Variants in GCA observed in about 807,000 individuals in gnomAD.
GCA encodes grancalcin.
In GCA, 30 loss-of-function variants were observed where a neutral mutation model predicts 32.6. That is an observed-to-expected ratio of 0.92 (90% CI 0.69 to 1.25). The LOEUF is 1.25. Ranked by LOEUF, GCA falls within the 50% of genes most tolerant of loss-of-function variation. The pLI is 0.00. For synonymous variants in GCA, 102 were observed against 84.6 expected (o/e 1.21, Z -1.13); for missense variants, 291 against 266.8 (o/e 1.09, Z -0.63).
At chr2:162,363,222 T>C (rs1172641674), downstream of GCA, among the ~76,000 whole-genome samples, 3 of 151,454 alleles carry the variant, frequency 2.0e-5, no homozygotes, top group Admixed American at 1.3e-4. Context: ...AATTTGTTAA[T>C]ATCTGGTGAA....
downstream of GCA, among the ~76,000 whole-genome samples, chr2:162,367,443 G>A (rs1685788116): frequency 6.6e-6 from 1 of 151,960 alleles, no homozygotes; most frequent in African/African-American, 2.4e-5. Flanking sequence ...GACTTCCACA[G>A]TGAGCCAGCC....
chr2:162,361,033 A>G lies in GCA; in HGVS notation c.*790A>G, dbSNP rs1685548156. 1 of 999,496 alleles carries G rather than the reference A, an allele frequency of 1.0e-6. No homozygotes were observed. Among genetic ancestry groups the G allele is most frequent in the Non-Finnish European group, 1.2e-6 (1 of 823,804 alleles). 61.9% of individuals were successfully genotyped at this position (999,496 alleles called of 1,614,324 possible). ...GGCATATGTTTTTGATGATATGTCA[A>G]CATTCAAAATTGTCCTAATTAAATT... On this transcript the variant is annotated 3_prime_UTR_variant, in exon 8 of 8. Transcript: ENST00000437150.
chr2:162,343,531 T>G (rs964951413), upstream of GCA, among the ~76,000 whole-genome samples: 2 of 152,210 alleles, frequency 1.3e-5, no homozygotes, highest in African/African-American at 4.8e-5. Context: ...ATCCTGTTTA[T>G]TTGCCAACAT....
downstream of GCA, among the ~76,000 whole-genome samples, chr2:162,374,581 A>C (rs1686093508): frequency 6.6e-6 from 1 of 152,174 alleles, no homozygotes; most frequent in Non-Finnish European, 1.5e-5. Flanking sequence ...TGGAAATAAA[A>C]CAAAAAAAGG....
Position 162,359,159 on chromosome 2 carries a change from T to C in GCA, c.568+2T>C, listed in dbSNP as rs754042566. On this transcript the variant is annotated splice_donor_variant, in intron 6 of 7. Transcript: ENST00000437150. LOFTEE classifies it high-confidence loss of function. ...GTGTGAAGCTTCGAGCATTGACAGG[T>C]ATTGACTATTTAAAACTAAGTGCAC... 4 of 1,537,278 alleles carry C rather than the reference T, an allele frequency of 2.6e-6. No individual in the cohort carries two copies. In the East Asian group the frequency reaches 9.0e-5, roughly 35 times the overall value.
At position 162,368,416 on chromosome 2, in the gene GCA, TA is replaced by T. The variant is rs1359247502; in HGVS notation, c.366-2889del. ...TTCATTTCTAATAACATCTACAGAA[TA>T]TTTTTTTAAATCATGAAAGTCATTT... On this transcript the variant is annotated intron_variant, in intron 4 of 4. Transcript: ENST00000414723. 1.1e-4 allele frequency among the ~76,000 whole-genome samples: 17 copies of T among 152,142 alleles called. 2 individuals carry two copies. The highest frequency in any genetic ancestry group is 1.1e-3 in the Admixed American group (17 of 15,238).
intron 6 of GCA, 151 bp from the exon 7 acceptor site, chr2:162,359,343 G>C: frequency 1.7e-6 from 1 of 586,804 alleles, no homozygotes; most frequent in African/African-American, 1.9e-5. Flanking sequence ...GTTATTTTTG[G>C]AAGTTTTTCT....
chr2:162,372,173 T>G (rs1468792350), downstream of GCA: 1 of 1,188,432 alleles, frequency 8.4e-7, no homozygotes. Context: ...AATAAAAACT[T>G]AAGCATTTTC....
chr2:162,347,931 T>C (rs1300264149), intron 2 of GCA, among the ~76,000 whole-genome samples, 189 bp downstream of exon 2: 5 of 152,184 alleles, frequency 3.3e-5, no homozygotes, highest in African/African-American at 1.2e-4. Flanking sequence ...GTTGATGTGA[T>C]GCTTGATACA....
At chr2:162,346,015 T>C (rs1216032682) in intron 1 of GCA, among the ~76,000 whole-genome samples, 1 of 152,238 alleles carries the variant, frequency 6.6e-6, no homozygotes, top group Admixed American at 6.5e-5. Flanking sequence ...AGATTTTTAC[T>C]TTCTTCTTTT....
chr2:162,347,700 T>G lies in GCA; in HGVS notation c.150T>G (p.Ala50=), dbSNP rs765343851. Residue 50 remains alanine, a synonymous_variant, in exon 2 of 8, where the codon GCT becomes GCG. Coordinates refer to ENST00000437150, the MANE Select transcript of GCA (RefSeq NM_012198.5). The part of the protein sequence containing the change: ...GPAYSDTYSS[A]GDSVYTYFSA... ...CATATTCAGACACTTATTCCTCAGC[T>G]GGTGACTCCGTGTATACTTACTTCA... 8 of 1,606,558 alleles carry G rather than the reference T, an allele frequency of 5.0e-6. No individual in the cohort carries two copies. In the Admixed American group the frequency reaches 1.0e-4, roughly 20 times the overall value.
At chr2:162,328,949 C>G (rs1291386108) in intron 1 of GCA, among the ~76,000 whole-genome samples, 1 of 152,174 alleles carries the variant, frequency 6.6e-6, no homozygotes, top group Non-Finnish European at 1.5e-5. Context: ...CCCAGCCAAA[C>G]TCCGCATCAT....
intron 3 of GCA, among the ~76,000 whole-genome samples, chr2:162,355,055 T>C (rs1685200271): frequency 6.6e-6 from 1 of 152,186 alleles, no homozygotes; most frequent in Non-Finnish European, 1.5e-5. Flanking sequence ...AAAATAGATA[T>C]TATTTACTTG....
intron 1 of GCA, among the ~76,000 whole-genome samples, chr2:162,321,654 C>G (rs143231937): frequency 1.8e-3 from 271 of 151,962 alleles, no homozygotes; most frequent in Non-Finnish European, 2.8e-3. Flanking sequence ...TTCTTAATTG[C>G]TGTGCTTTGA....
At chr2:162,328,757 C>T (rs1683977869) in intron 1 of GCA, among the ~76,000 whole-genome samples, 1 of 152,232 alleles carries the variant, frequency 6.6e-6, no homozygotes. Context: ...AGAGGGCTTT[C>T]TGTATCTTGC....
intron 1 of GCA, among the ~76,000 whole-genome samples, chr2:162,332,429 C>T (rs192569898): frequency 7.2e-4 from 107 of 149,302 alleles, no homozygotes; most frequent in African/African-American, 2.4e-3. Context: ...CCCCTGGACA[C>T]TTTGGAGCAT....
intron 4 of GCA, chr2:162,371,276 A>G: frequency 8.3e-7 from 1 of 1,204,968 alleles, no homozygotes; most frequent in Non-Finnish European, 1.1e-6. Flanking sequence ...TCAGAGGTTT[A>G]CAACTCAAAC....
upstream of GCA, among the ~76,000 whole-genome samples, chr2:162,339,916 G>A (rs927026373): frequency 3.3e-5 from 5 of 152,286 alleles, no homozygotes; most frequent in East Asian, 5.8e-4. Flanking sequence ...ACTTTCTTAA[G>A]TGTTATATGG....
intron 2 of GCA, among the ~76,000 whole-genome samples, chr2:162,351,867 G>A (rs1685016670): frequency 6.6e-6 from 1 of 152,082 alleles, no homozygotes. Context: ...AAGAATAGCA[G>A]CAAGATACAG....
Sources: gnomAD v4.1 joint callset for allele counts (sites outside exome capture counted in the v4.1 genomes callset) on GRCh38, gnomAD v4.1.1 for gene constraint, MANE v1.5 for transcripts, NCBI Gene and HGNC (gene_info 2026-07-23, HGNC 2026-07-21) for gene names.